CADM2: variants seen among roughly 807,000 people sequenced by gnomAD.
CADM2 encodes the protein immunoglobulin superfamily member 4D.
Under a neutral mutation model 49.8 loss-of-function variants are expected in CADM2, and 12 were observed. The observed-to-expected ratio is 0.24, with a 90% CI of 0.15 to 0.39. The LOEUF (loss-of-function observed/expected upper bound fraction) is 0.39. Ranked by LOEUF, CADM2 falls within the 10% of genes least tolerant of loss-of-function variation. The pLI is 1.00. For synonymous variants in CADM2, 214 were observed against 175.4 expected (o/e 1.22, Z -1.74); for missense variants, 378 against 492.3 (o/e 0.77, Z 2.20).
At chr3:85,791,777 A>G (rs1337150756) in intron 2 of CADM2, among the ~76,000 whole-genome samples, 3 of 151,970 alleles carry the variant, frequency 2.0e-5, no homozygotes, top group South Asian at 2.1e-4. Context: ...AGGCTGGAGT[A>G]CAGTGGCACG....
At chr3:85,061,533 C>A (rs547861785) in intron 1 of CADM2, among the ~76,000 whole-genome samples, 22 of 152,274 alleles carry the variant, frequency 1.4e-4, no homozygotes, top group Non-Finnish European at 2.5e-4. Context: ...GTATTCCTAA[C>A]TATCCTATTT....
intron 1 of CADM2, among the ~76,000 whole-genome samples, chr3:85,414,066 T>C (rs1220230231): frequency 1.3e-5 from 2 of 152,130 alleles, no homozygotes; most frequent in African/African-American, 4.8e-5. Flanking sequence ...GGTTTCACCA[T>C]GTTGGTCAGG....
chr3:85,108,157 G>T (rs1039539763), intron 1 of CADM2, among the ~76,000 whole-genome samples: 1 of 151,912 alleles, frequency 6.6e-6, no homozygotes, highest in Non-Finnish European at 1.5e-5. Context: ...ATAGCCAATA[G>T]TTGGAAACAA....
At chr3:85,214,177 T>G (rs941874169) in intron 1 of CADM2, among the ~76,000 whole-genome samples, 17 of 152,016 alleles carry the variant, frequency 1.1e-4, no homozygotes, top group African/African-American at 3.6e-4. Flanking sequence ...ATGCTGTGGC[T>G]CTTGCAGACC....
chr3:85,564,658 C>A (rs1287313888), intron 1 of CADM2, among the ~76,000 whole-genome samples: 1 of 151,974 alleles, frequency 6.6e-6, no homozygotes, highest in African/African-American at 2.4e-5. Flanking sequence ...TTTTAACATG[C>A]ATACTTATTC....
At chr3:85,646,331 C>T (rs1233796028) in intron 1 of CADM2, among the ~76,000 whole-genome samples, 2 of 151,944 alleles carry the variant, frequency 1.3e-5, no homozygotes, top group African/African-American at 4.8e-5. Flanking sequence ...TTCAAAGGCA[C>T]ATTCTGAAAA....
In CADM2 at chr3:85,846,325, T is replaced by G. The variant is rs141366988; in HGVS notation, c.239-36966T>G. ...TATTTGCTTAATCATTCAGTCAGTA[T>G]ATGATACATACCCACTGTCCTCTAG... On this transcript the variant is annotated intron_variant, in intron 3 of 9. Coordinates refer to ENST00000383699, the MANE Select transcript of CADM2 (RefSeq NM_001167675.2). Among the ~76,000 whole-genome samples, 383 of 152,284 alleles carry G rather than the reference T, an allele frequency of 2.5e-3. 1 individual carries two copies. The highest frequency in any genetic ancestry group is 8.9e-3 in the African/African-American group (371 of 41,558).
At position 85,541,302 on chromosome 3, in the gene CADM2, A is replaced by C. The variant is rs2061533055; in HGVS notation, c.62-185220A>C. Among the ~76,000 whole-genome samples the C allele has an allele frequency of 2.0e-5, 3 of 151,746 alleles. No homozygotes were observed. The South Asian group carries it at 6.2e-4, about 31-fold the overall frequency. ...CACATATACACACATGCATACACAC[A>C]CGTCTGTACACAAACACATATGCAT... is the stretch of plus-strand genomic sequence containing the variant. On this transcript the variant is annotated intron_variant, in intron 1 of 9. Transcript: ENST00000383699.
chr3:85,400,702 A>G (rs1396672932), intron 1 of CADM2, among the ~76,000 whole-genome samples: 5 of 55,062 alleles, frequency 9.1e-5, no homozygotes, highest in African/African-American at 2.9e-4. Flanking sequence ...CCAGGAATGT[A>G]TCAGTTTCTT....
At chr3:85,345,027 G>C (rs1219504385) in intron 1 of CADM2, among the ~76,000 whole-genome samples, 2 of 152,016 alleles carry the variant, frequency 1.3e-5, no homozygotes, top group East Asian at 3.9e-4. Flanking sequence ...TAATTTGTCA[G>C]AAATATCTCT....
chr3:85,090,093 A>G (rs1043929376), intron 1 of CADM2, among the ~76,000 whole-genome samples: 2 of 152,134 alleles, frequency 1.3e-5, no homozygotes, highest in African/African-American at 4.8e-5. Flanking sequence ...ATTTACATCC[A>G]GTACATTTAT....
At chr3:85,424,782 T>A (rs9865745) in intron 1 of CADM2, among the ~76,000 whole-genome samples, 38,030 of 152,166 alleles carry the variant, frequency 0.25, 4,933 homozygotes, top group South Asian at 0.34. Flanking sequence ...AATTATCATT[T>A]TTGTGACTAA....
intron 1 of CADM2, among the ~76,000 whole-genome samples, chr3:85,631,330 A>G (rs78681822): frequency 2.0e-5 from 3 of 152,142 alleles, no homozygotes; most frequent in African/African-American, 7.2e-5. Flanking sequence ...TATAGATACT[A>G]TAGAAGAGCT....
At chr3:85,783,488 C>T (rs1194673322) in intron 2 of CADM2, among the ~76,000 whole-genome samples, 2 of 152,280 alleles carry the variant, frequency 1.3e-5, no homozygotes, top group African/African-American at 2.4e-5. Flanking sequence ...ACAGTAGAAA[C>T]ATCTGCTGGA....
intron 8 of CADM2, among the ~76,000 whole-genome samples, chr3:85,999,866 A>G (rs1729950714): frequency 6.6e-6 from 1 of 152,212 alleles, no homozygotes; most frequent in South Asian, 2.1e-4. Flanking sequence ...TCTGAGAAGA[A>G]AATGAGAGAT....
At chr3:85,379,678 A>AC (rs1446002566) in intron 1 of CADM2, among the ~76,000 whole-genome samples, 1 of 152,020 alleles carries the variant, frequency 6.6e-6, no homozygotes, top group African/African-American at 2.4e-5. Flanking sequence ...TCAATATTGT[A>AC]CCCTTCAAAG....
chr3:85,256,503 C>G (rs2042889369), intron 1 of CADM2, among the ~76,000 whole-genome samples: 1 of 152,040 alleles, frequency 6.6e-6, no homozygotes, highest in Non-Finnish European at 1.5e-5. Flanking sequence ...GAAGCTAAAC[C>G]AATAGAAAAT....
At chr3:85,490,672 T>C (rs2039633716) in intron 1 of CADM2, among the ~76,000 whole-genome samples, 1 of 152,158 alleles carries the variant, frequency 6.6e-6, no homozygotes, top group Non-Finnish European at 1.5e-5. Context: ...TTAACAAAAG[T>C]TGGCTGTGTT....
intron 1 of CADM2, among the ~76,000 whole-genome samples, chr3:85,470,022 A>G (rs947717830): frequency 6.6e-6 from 1 of 152,198 alleles, no homozygotes; most frequent in Non-Finnish European, 1.5e-5. Context: ...GAGATGCTCA[A>G]TCCTCAATAC....
Sources: allele counts gnomAD v4.1 joint callset (sites outside exome capture counted in the v4.1 genomes callset), GRCh38; gene constraint gnomAD v4.1.1; transcripts MANE v1.5; gene names NCBI Gene and HGNC (gene_info 2026-07-23, HGNC 2026-07-21).